Variants in PPARGC1B observed in about 807,000 individuals in gnomAD.
The protein encoded by PPARGC1B is PPARG coactivator 1 beta, also known as peroxisome proliferator-activated receptor gamma coactivator 1-beta.
PPARGC1B carries 34 observed loss-of-function variants against 101.6 expected under a neutral mutation model. That is an observed-to-expected ratio of 0.33 (90% CI 0.25 to 0.45). PPARGC1B has a LOEUF of 0.45. Among genes scored for constraint, PPARGC1B ranks in the 20% least tolerant of loss-of-function variants. The pLI is 1.00. For missense variants in PPARGC1B, 1,234 were observed against 1,317.6 expected (o/e 0.94, Z 0.98); for synonymous variants, 548 against 539.3 (o/e 1.02, Z -0.22).
rs13187802 is a variant in PPARGC1B at position 149,799,691 on chromosome 5, T to C, written c.79-20742T>C. Among the ~76,000 whole-genome samples the C allele has an allele frequency of 3.8e-5, 3 of 79,084 alleles. 1 individual carries two copies. Among genetic ancestry groups the C allele is most frequent in the Non-Finnish European group, 4.6e-5 (2 of 43,884 alleles). 51.9% of individuals were successfully genotyped at this position (79,084 alleles called of 152,430 possible). The stretch of plus-strand genomic sequence containing the variant: ...TTTTTGTTTGTTTGTTTGCTTGTTG[T>C]TGTTTTTTTTTTTTTTTTTTTTTGA... On this transcript the variant is annotated intron_variant, in intron 1 of 11. Transcript: ENST00000309241.
chr5:149,808,471 G>T (rs1340942083), intron 1 of PPARGC1B, among the ~76,000 whole-genome samples: 1 of 152,178 alleles, frequency 6.6e-6, no homozygotes, highest in East Asian at 1.9e-4. Context: ...TAGAGCTGAT[G>T]TGTTGAAATG....
At chr5:149,825,558 G>A (rs1401872199) in intron 2 of PPARGC1B, among the ~76,000 whole-genome samples, 1 of 152,220 alleles carries the variant, frequency 6.6e-6, no homozygotes, top group African/African-American at 2.4e-5. Flanking sequence ...CCACCCTCAA[G>A]AGCCTGTAAG....
chr5:149,776,906 A>G (rs998120070), intron 1 of PPARGC1B, among the ~76,000 whole-genome samples: 2 of 152,218 alleles, frequency 1.3e-5, no homozygotes, highest in African/African-American at 4.8e-5. Flanking sequence ...CTGCACACAC[A>G]TGTGTGTACA....
At position 149,755,597 on chromosome 5, in the gene PPARGC1B, GTTA is replaced by G. The variant is rs1162188329; in HGVS notation, c.78+25192_78+25194del. The stretch of plus-strand genomic sequence containing the variant: ...CTTGTCTGCTGTAGATGTTGTTGTT[GTTA>G]TTATTATTATTATTGTTATTATTAT... On this transcript the variant is annotated intron_variant, in intron 1 of 11. Transcript: ENST00000309241. Among the ~76,000 whole-genome samples, 1,105 of 122,510 alleles carry G rather than the reference GTTA, an allele frequency of 9.0e-3. 38 individuals carry two copies. The highest frequency in any genetic ancestry group is 0.068 in the Admixed American group (737 of 10,904). The allele number at this position is 122,510 out of a possible 152,430, so 80.4% of individuals were successfully genotyped here.
intron 3 of PPARGC1B, among the ~76,000 whole-genome samples, chr5:149,829,136 C>T (rs992787732): frequency 3.9e-5 from 6 of 152,110 alleles, no homozygotes; most frequent in Admixed American, 2.0e-4. Context: ...GAGAGTCCAG[C>T]GATGGACTTG....
chr5:149,753,267 C>T (rs947630956), intron 1 of PPARGC1B, among the ~76,000 whole-genome samples: 9 of 151,762 alleles, frequency 5.9e-5, no homozygotes, highest in South Asian at 4.2e-4. Context: ...AGTGCAGTGG[C>T]GTGATCTCGG....
At chr5:149,817,147 C>T (rs1338339517) in intron 1 of PPARGC1B, among the ~76,000 whole-genome samples, 3 of 152,180 alleles carry the variant, frequency 2.0e-5, no homozygotes, top group Non-Finnish European at 4.4e-5. Flanking sequence ...GCTCTTCCCA[C>T]CTCTTCCACT....
At chr5:149,811,492 A>G (rs2113327665) in intron 1 of PPARGC1B, among the ~76,000 whole-genome samples, 1 of 152,316 alleles carries the variant, frequency 6.6e-6, no homozygotes, top group Non-Finnish European at 1.5e-5. Context: ...TTGTAATTAC[A>G]CTATCGAGTG....
intron 9 of PPARGC1B, among the ~76,000 whole-genome samples, chr5:149,840,663 C>T (rs1428576244): frequency 6.6e-6 from 1 of 152,228 alleles, no homozygotes; most frequent in East Asian, 1.9e-4. Context: ...AGTTAGTCCA[C>T]AGGCCCTGGC....
chr5:149,780,597 A>G (rs1756562748), intron 1 of PPARGC1B, among the ~76,000 whole-genome samples: 1 of 152,184 alleles, frequency 6.6e-6, no homozygotes, highest in Admixed American at 6.5e-5. Context: ...GTTGTGTGTC[A>G]GCGGTTAGAT....
Position 149,837,833 on chromosome 5 carries a change from C to T in PPARGC1B, c.2618+760C>T, listed in dbSNP as rs1376467113. Among the ~76,000 whole-genome samples, 1 of 152,212 alleles carries T rather than the reference C, an allele frequency of 6.6e-6. No individual in the cohort carries two copies. ...GGACAGTCAGTGTCATCATCCCCAG[C>T]CCTGTGTTGAGGTGAAGCTGAGTGG... On this transcript the variant is annotated intron_variant, in intron 8 of 11. Coordinates refer to ENST00000309241, the MANE Select transcript of PPARGC1B (RefSeq NM_133263.4). This position sits in a 1 kb window ranked among gnomAD's most constrained non-coding sequence, Gnocchi z 4.2.
chr5:149,792,329 C>A (rs577681052), intron 1 of PPARGC1B, among the ~76,000 whole-genome samples: 40 of 152,194 alleles, frequency 2.6e-4, no homozygotes, highest in African/African-American at 9.4e-4. Context: ...AAATTTTCCT[C>A]CTTGGGGCCT....
intron 3 of PPARGC1B, among the ~76,000 whole-genome samples, chr5:149,827,413 C>G (rs2113379207): frequency 6.6e-6 from 1 of 152,342 alleles, no homozygotes; most frequent in East Asian, 1.9e-4. Context: ...CTTGGAAGCT[C>G]TTCCACATGA....
intron 1 of PPARGC1B, among the ~76,000 whole-genome samples, chr5:149,771,289 A>C (rs1362966698): frequency 6.6e-6 from 1 of 152,206 alleles, no homozygotes; most frequent in African/African-American, 2.4e-5. Flanking sequence ...TGATGGGCCC[A>C]GGAAGAGACC....
At chr5:149,764,915 A>C (rs931396509) in intron 1 of PPARGC1B, among the ~76,000 whole-genome samples, 1 of 152,192 alleles carries the variant, frequency 6.6e-6, no homozygotes, top group Non-Finnish European at 1.5e-5. Flanking sequence ...CCAAGCATGG[A>C]CTCCTCTTAG....
At chr5:149,846,990 C>T (rs565930056) in intron 11 of PPARGC1B, 32 of 206,756 alleles carry the variant, frequency 1.5e-4, no homozygotes, top group South Asian at 4.4e-4. Context: ...GAGGCTGAGG[C>T]GGGAGAATCA....
chr5:149,766,439 G>C (rs1755915581), intron 1 of PPARGC1B, among the ~76,000 whole-genome samples: 1 of 152,158 alleles, frequency 6.6e-6, no homozygotes, highest in Non-Finnish European at 1.5e-5. Flanking sequence ...TACTTAGCAA[G>C]ATCAATATTA....
At chr5:149,745,503 A>T (rs1755054178) in intron 1 of PPARGC1B, among the ~76,000 whole-genome samples, 1 of 152,178 alleles carries the variant, frequency 6.6e-6, no homozygotes, top group Non-Finnish European at 1.5e-5. Context: ...AAAATCAGGT[A>T]CTATTCATAG....
chr5:149,822,206 C>T (rs1206983854), intron 2 of PPARGC1B, among the ~76,000 whole-genome samples: 1 of 152,168 alleles, frequency 6.6e-6, no homozygotes. Flanking sequence ...TTTGGATGCT[C>T]CCTGAAAACC....
Sources: gnomAD v4.1 joint callset for allele counts (sites outside exome capture counted in the v4.1 genomes callset) on GRCh38, gnomAD v4.1.1 for gene constraint, Gnocchi (gnomAD v3.1) non-coding constraint, MANE v1.5 for transcripts, NCBI Gene and HGNC (gene_info 2026-07-23, HGNC 2026-07-21) for gene names.